The following KHDC4 variants were observed in gnomAD, a reference collection of about 807,000 sequenced individuals.
KHDC4 encodes KH domain containing 4, pre-mRNA splicing factor.
KHDC4 carries 19 observed loss-of-function variants against 74.5 expected under a neutral mutation model. The ratio of observed to expected loss-of-function variants is 0.26; its 90% CI spans 0.18 to 0.37. KHDC4 has a LOEUF of 0.37. Ranked by LOEUF, KHDC4 falls within the 10% of genes least tolerant of loss-of-function variation. KHDC4 has a pLI of 1.00. For missense variants in KHDC4, 632 were observed against 754.1 expected (o/e 0.84, Z 1.90); for synonymous variants, 253 against 266.1 (o/e 0.95, Z 0.48).
At chr1:155,927,832 C>CACCA (rs1189399959) in intron 4 of KHDC4, among the ~76,000 whole-genome samples, 1 of 90,930 alleles carries the variant, frequency 1.1e-5, no homozygotes, top group African/African-American at 5.2e-5. Flanking sequence ...AAAAAAAAAA[C>CACCA]CACACACACA....
chr1:155,926,733 T>C lies in KHDC4; in HGVS notation c.624A>G (p.Pro208=). Reference sequence around the variant, plus strand: ...CTGGAGACAACTGAGCGATGGGTGCTGGCTGGTGATAGACAGTTACTGTTG... The same window carrying C: ...CTGGAGACAACTGAGCGATGGGTGCCGGCTGGTGATAGACAGTTACTGTTG... ...NGATVTVYHQ[P]APIAQLSPAV... Residue 208 remains proline, a synonymous_variant, in exon 6 of 14, where the codon CCA becomes CCG. Coordinates refer to ENST00000368321, the MANE Select transcript of KHDC4 (RefSeq NM_014949.4). 1.2e-6 allele frequency: 2 copies of C among 1,614,214 alleles called. No homozygotes were observed. Among genetic ancestry groups the C allele is most frequent in the Non-Finnish European group, 1.7e-6 (2 of 1,180,042 alleles).
chr1:155,927,899 T>C (rs1489982348), intron 4 of KHDC4, among the ~76,000 whole-genome samples: 4 of 133,748 alleles, frequency 3.0e-5, no homozygotes, highest in Non-Finnish European at 4.6e-5. Context: ...AGATTGATCA[T>C]GCATATAGAG....
intron 10 of KHDC4, among the ~76,000 whole-genome samples, chr1:155,918,689 T>C (rs116607744): frequency 0.012 from 1,776 of 151,870 alleles, 44 homozygotes; most frequent in African/African-American, 0.041. Flanking sequence ...AAAGGTACAG[T>C]AAAAATATGC....
intron 4 of KHDC4, among the ~76,000 whole-genome samples, chr1:155,928,593 C>CAAAAAAAAAAAAAAAAAAAAAA (rs10555758): frequency 1.1e-5 from 1 of 89,332 alleles, no homozygotes; most frequent in African/African-American, 4.3e-5. Flanking sequence ...ATCATAAAGA[C>CAAAAAAAAAAAAAAAAAAAAAA]AAAAAAAAAA....
intron 4 of KHDC4, among the ~76,000 whole-genome samples, chr1:155,928,622 T>C (rs1198885823): frequency 7.1e-6 from 1 of 140,210 alleles, no homozygotes; most frequent in Non-Finnish European, 1.5e-5. Flanking sequence ...AAAGAGCCCA[T>C]TTGTGAGGGG....
At position 155,934,378 on chromosome 1, in the gene KHDC4, A is replaced by T. The variant is rs1276635963; in HGVS notation, c.-5T>A. 6.2e-7 allele frequency: 1 copy of T among 1,611,688 alleles called. No homozygotes were observed. On this transcript the variant is annotated 5_prime_UTR_variant, in exon 1 of 14. Coordinates refer to ENST00000368321, the MANE Select transcript of KHDC4 (RefSeq NM_014949.4). ...TGTCGCGCTCCCCGCGGACATGGCGACCGCTTCTACTCAACCACCCGCCAA... is the reference window on the plus strand; with the variant it reads ...TGTCGCGCTCCCCGCGGACATGGCGTCCGCTTCTACTCAACCACCCGCCAA...
Position 155,921,956 on chromosome 1 carries a change from C to T in KHDC4, c.955-38G>A, listed in dbSNP as rs188436829. 112 of 1,343,522 alleles carry T rather than the reference C, an allele frequency of 8.3e-5. 1 individual carries two copies. The African/African-American group carries it at 8.7e-4, about 10-fold the overall frequency. 83.2% of individuals were successfully genotyped at this position (1,343,522 alleles called of 1,614,324 possible). On this transcript the variant is annotated intron_variant, in intron 8 of 13. Transcript: ENST00000368321. The stretch of plus-strand genomic sequence containing the variant: ...GGGAAACAAATTAACATGGGACAGC[C>T]GAAGCTGTGCATTTACAAGGGTCTG...
At chr1:155,932,926 G>C (rs937846598) in intron 2 of KHDC4, among the ~76,000 whole-genome samples, 10 of 152,110 alleles carry the variant, frequency 6.6e-5, no homozygotes, top group Non-Finnish European at 1.2e-4. Flanking sequence ...GTGACAGAGT[G>C]AGACTCTATC....
chr1:155,914,969 GACTA>G (rs1196252947), intron 13 of KHDC4: 2 of 152,088 alleles, frequency 1.3e-5, no homozygotes, highest in Admixed American at 6.5e-5. Context: ...AAAATAAGTC[GACTA>G]ACTCTTTTCT....
chr1:155,934,248 C>G lies in KHDC4; in HGVS notation c.38+88G>C, dbSNP rs536399898. ...GCCCTTTACTTCCCACTTAAGGACC[C>G]TTCCACCCTATACGCAGCTTCTCAG... On this transcript the variant is annotated intron_variant, in intron 1 of 13. Transcript: ENST00000368321. The G allele has an allele frequency of 3.6e-6, 5 of 1,394,324 alleles. No individual in the cohort carries two copies. The African/African-American group carries it at 5.7e-5, about 16-fold the overall frequency. 86.4% of individuals were successfully genotyped at this position (1,394,324 alleles called of 1,614,324 possible).
At chr1:155,926,037 G>T (rs918817550) in intron 6 of KHDC4, 194 bp from the exon 7 acceptor site, 8 of 747,732 alleles carry the variant, frequency 1.1e-5, no homozygotes, top group Non-Finnish European at 2.0e-5. Context: ...TAGGAGGAAT[G>T]TATCAGCAAA....
chr1:155,931,456 T>C (rs1247493939), intron 2 of KHDC4, among the ~76,000 whole-genome samples: 1 of 152,064 alleles, frequency 6.6e-6, no homozygotes, highest in African/African-American at 2.4e-5. Context: ...TAGCCGGGCA[T>C]GGTGGCATGC....
intron 3 of KHDC4, 79 bp downstream of exon 3, chr1:155,929,633 C>G (rs952269424): frequency 6.7e-7 from 1 of 1,488,730 alleles, no homozygotes; most frequent in African/African-American, 1.4e-5. Context: ...TAATAAATAT[C>G]TGACGCCTGT....
chr1:155,925,267 G>A (rs978975007), intron 7 of KHDC4, among the ~76,000 whole-genome samples: 27 of 150,950 alleles, frequency 1.8e-4, no homozygotes, highest in Non-Finnish European at 3.4e-4. Flanking sequence ...TCCTGACCTC[G>A]TGATCCACCC....
intron 11 of KHDC4, 75 bp downstream of exon 11, chr1:155,917,424 G>T: frequency 1.6e-6 from 2 of 1,263,406 alleles, no homozygotes; most frequent in Non-Finnish European, 2.3e-6. Context: ...AGAATGATGT[G>T]AATTTATCTT....
chr1:155,933,893 G>GT lies in KHDC4; in HGVS notation c.39-45dup, dbSNP rs1208460896. The GT allele has an allele frequency of 5.6e-6, 8 of 1,426,288 alleles. No homozygotes were observed. The South Asian group carries it at 1.1e-4, about 20-fold the overall frequency. The allele number at this position is 1,426,288 out of a possible 1,614,324, so 88.4% of individuals were successfully genotyped here. On this transcript the variant is annotated intron_variant, in intron 1 of 13. Coordinates refer to ENST00000368321, the MANE Select transcript of KHDC4 (RefSeq NM_014949.4). ...AAACATTAGGCCCCAAAGCTTTCGT[G>GT]TATGTTATTCTTTCCTTACTACGCC...
At chr1:155,926,255 T>C (rs1048780345) in intron 6 of KHDC4, among the ~76,000 whole-genome samples, 4 of 151,778 alleles carry the variant, frequency 2.6e-5, no homozygotes, top group African/African-American at 4.8e-5. Flanking sequence ...AGAATACCTA[T>C]GGCAGGTAAC....
At chr1:155,919,549 G>A (rs1007026551) in intron 10 of KHDC4, among the ~76,000 whole-genome samples, 15 of 151,840 alleles carry the variant, frequency 9.9e-5, no homozygotes, top group African/African-American at 1.5e-4. Context: ...GGTGGCTCAC[G>A]CCTGTAATCC....
chr1:155,919,524 C>T (rs1360102547), intron 10 of KHDC4, among the ~76,000 whole-genome samples: 1 of 151,776 alleles, frequency 6.6e-6, no homozygotes, highest in African/African-American at 2.4e-5. Flanking sequence ...AAAATACAAA[C>T]ATTAGGCCGG....
Sources: allele counts gnomAD v4.1 joint callset (sites outside exome capture counted in the v4.1 genomes callset), GRCh38; gene constraint gnomAD v4.1.1; transcripts MANE v1.5; gene names NCBI Gene and HGNC (gene_info 2026-07-23, HGNC 2026-07-21).